ERG: variants seen among roughly 807,000 people sequenced by gnomAD.
The protein encoded by ERG is transcriptional regulator ERG.
Under a neutral mutation model 55.3 loss-of-function variants are expected in ERG, and 9 were observed. The observed-to-expected ratio is 0.16, with a 90% confidence interval of 0.10 to 0.28. The LOEUF is 0.28. Among genes scored for constraint, ERG ranks in the 10% least tolerant of loss-of-function variants. ERG has a pLI of 1.00. For missense variants in ERG, 434 were observed against 631.6 expected (o/e 0.69, Z 3.35); for synonymous variants, 223 against 237.3 (o/e 0.94, Z 0.55).
chr21:38,378,243 G>C (rs191638041), downstream of ERG, among the ~76,000 whole-genome samples: 1 of 152,296 alleles, frequency 6.6e-6, no homozygotes, highest in African/African-American at 2.4e-5. Flanking sequence ...CAGAACCCAA[G>C]TTGCACTGGA....
At chr21:38,562,159 CCA>C (rs1309982233) in intron 2 of ERG, among the ~76,000 whole-genome samples, 4 of 152,044 alleles carry the variant, frequency 2.6e-5, no homozygotes, top group African/African-American at 9.7e-5. Context: ...CAGAATGTAT[CCA>C]GAGTACAAAC....
intron 1 of ERG, among the ~76,000 whole-genome samples, chr21:38,468,349 G>C (rs1409961790): frequency 6.6e-6 from 1 of 152,228 alleles, no homozygotes; most frequent in African/African-American, 2.4e-5. Context: ...TGAATATAGA[G>C]AGGGAAATTG....
chr21:38,570,906 T>A (rs1368238374), intron 2 of ERG, among the ~76,000 whole-genome samples: 1 of 152,204 alleles, frequency 6.6e-6, no homozygotes, highest in Non-Finnish European at 1.5e-5. Flanking sequence ...TTATTCTATA[T>A]GATTAGCTGG....
chr21:38,587,743 G>T (rs2060075266), upstream of ERG, among the ~76,000 whole-genome samples: 1 of 152,214 alleles, frequency 6.6e-6, no homozygotes, highest in Non-Finnish European at 1.5e-5. Context: ...GCATGGATAA[G>T]TGGTTAAAGG....
intron 1 of ERG, among the ~76,000 whole-genome samples, chr21:38,610,542 T>C (rs970671397): frequency 5.9e-5 from 9 of 152,176 alleles, no homozygotes; most frequent in East Asian, 5.8e-4. Context: ...TGTGTGTGTG[T>C]GTGTGTGTTT....
upstream of ERG, among the ~76,000 whole-genome samples, chr21:38,588,637 C>T (rs2060081506): frequency 6.6e-6 from 1 of 152,184 alleles, no homozygotes; most frequent in African/African-American, 2.4e-5. Context: ...GAGTAAGAGG[C>T]TCTGACTCCA....
chr21:38,657,195 T>C (rs2060524575), intron 1 of ERG, among the ~76,000 whole-genome samples: 1 of 152,242 alleles, frequency 6.6e-6, no homozygotes, highest in Non-Finnish European at 1.5e-5. Context: ...TTGTCTCATA[T>C]AGCCATTCTG....
In ERG at chr21:38,652,272, C is replaced by T. The variant is rs147726956; in HGVS notation, c.-150+9386G>A. 2.6e-3 allele frequency among the ~76,000 whole-genome samples: 397 copies of T among 152,274 alleles called. 2 individuals carry two copies. The highest frequency in any genetic ancestry group is 9.0e-3 in the African/African-American group (375 of 41,548). ...CATTCCCGCCAATCCAGATCCAACA[C>T]GCCATGGCACAGCTCAAGGGCCTCA... On this transcript the variant is annotated intron_variant, in intron 1 of 10. Transcript: ENST00000398910.
At chr21:38,617,646 A>G (rs929360979) in intron 1 of ERG, among the ~76,000 whole-genome samples, 2 of 152,194 alleles carry the variant, frequency 1.3e-5, no homozygotes, top group African/African-American at 4.8e-5. Flanking sequence ...TTCACTGAAC[A>G]TAAAACAGGA....
intron 1 of ERG, among the ~76,000 whole-genome samples, chr21:38,472,741 C>T (rs779070674): frequency 6.6e-6 from 1 of 152,330 alleles, no homozygotes; most frequent in African/African-American, 2.4e-5. Context: ...GGGGAAGAAA[C>T]GTGTCTCAGC....
rs367594212 is a variant in ERG, at chr21:38,383,394, G to A, written c.*9C>T. ...ATGCACGCTGATGGGAAAAGCCTCC[G>A]CCAGGTCTTTAGTAGTAAGTGCCCA... is the stretch of plus-strand genomic sequence containing the variant. On this transcript the variant is annotated 3_prime_UTR_variant, in exon 10 of 10. Transcript: ENST00000288319. The surrounding 1 kb of genome is among the most constrained non-coding windows in gnomAD (Gnocchi z 5.7). 4 of 1,484,754 alleles carry A rather than the reference G, an allele frequency of 2.7e-6. No individual in the cohort carries two copies. Among genetic ancestry groups the A allele is most frequent in the Non-Finnish European group, 3.6e-6 (4 of 1,115,528 alleles). 92.0% of individuals were successfully genotyped at this position (1,484,754 alleles called of 1,614,324 possible).
chr21:38,602,147 A>T (rs898454853), intron 1 of ERG, among the ~76,000 whole-genome samples: 9 of 152,294 alleles, frequency 5.9e-5, no homozygotes, highest in African/African-American at 2.2e-4. Context: ...AGGAATTTTT[A>T]AAATAAAGAA....
chr21:38,432,353 C>T (rs1990253687), intron 2 of ERG, among the ~76,000 whole-genome samples: 1 of 152,194 alleles, frequency 6.6e-6, no homozygotes, highest in Admixed American at 6.5e-5. Flanking sequence ...CTCAGCCTCC[C>T]CAAGAACTGG....
Position 38,653,114 on chromosome 21 carries a change from C to G in ERG, c.-150+8544G>C, listed in dbSNP as rs562868293. 3.9e-5 allele frequency among the ~76,000 whole-genome samples: 6 copies of G among 152,316 alleles called. No individual in the cohort carries two copies. In the South Asian group the frequency reaches 1.2e-3, roughly 32 times the overall value. ...TTTCTAGACTCTGTGGTGTGAATGTCTGCCCCAATTCCATGGCATTCTTGC... is the reference window on the plus strand; with the variant it reads ...TTTCTAGACTCTGTGGTGTGAATGTGTGCCCCAATTCCATGGCATTCTTGC... On this transcript the variant is annotated intron_variant, in intron 1 of 10. Transcript: ENST00000398910.
chr21:38,613,591 G>A lies in ERG; in HGVS notation c.-149-28646C>T, dbSNP rs1032820774. On this transcript the variant is annotated intron_variant, in intron 1 of 10. Transcript: ENST00000398910. ...AGGTAACGCCTGCAGACTGGTGCTC[G>A]CCGCTCACTGTGAAGGCAAGCAGGC... 5.9e-5 allele frequency among the ~76,000 whole-genome samples: 9 copies of A among 152,190 alleles called. No homozygotes were observed. In the South Asian group the frequency reaches 6.2e-4, roughly 11 times the overall value.
intron 2 of ERG, among the ~76,000 whole-genome samples, chr21:38,524,567 T>C (rs2059617186): frequency 6.6e-6 from 1 of 152,212 alleles, no homozygotes; most frequent in African/African-American, 2.4e-5. Flanking sequence ...TGACTTTCCC[T>C]GCTTCAATTT....
chr21:38,401,831 G>T (rs542032390), intron 5 of ERG, among the ~76,000 whole-genome samples: 1 of 152,158 alleles, frequency 6.6e-6, no homozygotes, highest in South Asian at 2.1e-4. Context: ...TGCTGTGAGC[G>T]GGGGGCGAGG....
At chr21:38,403,872 A>G (rs1037628853) in intron 3 of ERG, among the ~76,000 whole-genome samples, 163 bp from the exon 4 acceptor site, 1 of 152,114 alleles carries the variant, frequency 6.6e-6, no homozygotes, top group East Asian at 1.9e-4. Flanking sequence ...GGAAAGACAA[A>G]AGCTGCCTCA....
At chr21:38,409,187 A>G (rs1988921439) in intron 3 of ERG, among the ~76,000 whole-genome samples, 1 of 152,116 alleles carries the variant, frequency 6.6e-6, no homozygotes, top group African/African-American at 2.4e-5. Flanking sequence ...AAGCAGAACT[A>G]AGTCTCTGTG....
Sources: gnomAD v4.1 joint callset for allele counts (sites outside exome capture counted in the v4.1 genomes callset) on GRCh38, gnomAD v4.1.1 for gene constraint, Gnocchi (gnomAD v3.1) non-coding constraint, MANE v1.5 for transcripts, NCBI Gene and HGNC (gene_info 2026-07-23, HGNC 2026-07-21) for gene names.